TUSC1: variants seen among roughly 807,000 people sequenced by gnomAD.
TUSC1 encodes tumor suppressor candidate gene 1 protein.
A neutral mutation model predicts 5.2 loss-of-function variants in TUSC1; 8 were observed. The ratio of observed to expected loss-of-function variants is 1.54; its 90% confidence interval spans 0.90 to 2.77. The LOEUF (loss-of-function observed/expected upper bound fraction) is 2.77, where lower values mean the gene tolerates loss of function less well. Among genes scored for constraint, TUSC1 ranks in the 30% most tolerant of loss-of-function variants. TUSC1 has a pLI of 0.00. For synonymous variants in TUSC1, 192 were observed against 144.2 expected (o/e 1.33, Z -2.37); for missense variants, 442 against 324.2 (o/e 1.36, Z -2.79).
chr9:25,678,374 G>A lies in TUSC1; in HGVS notation c.-62C>T. The A allele has an allele frequency of 1.5e-6, 2 of 1,332,146 alleles. No individual in the cohort carries two copies. The highest frequency in any genetic ancestry group is 1.9e-6 in the Non-Finnish European group (2 of 1,035,816). 82.5% of individuals were successfully genotyped at this position (1,332,146 alleles called of 1,614,324 possible). On this transcript the variant is annotated 5_prime_UTR_variant, in exon 1 of 1. Transcript: ENST00000358022. ...TGAGGGGCCGCGCGGCCAGGCGCGG[G>A]CAAGTTCGGGGCTGGCAGGGCGGCC...
Position 25,677,315 on chromosome 9 carries a change from C to T in TUSC1, c.*368G>A. ...CCAAAATACAGGAAAAAAAAAAATA[C>T]AACAGGTTCGCACAACATCCAGAAA... On this transcript the variant is annotated 3_prime_UTR_variant, in exon 1 of 1. Transcript: ENST00000358022. 1 of 242,050 alleles carries T rather than the reference C, an allele frequency of 4.1e-6. No homozygotes were observed. The highest frequency in any genetic ancestry group is 7.9e-6 in the Non-Finnish European group (1 of 126,778). The allele number at this position is 242,050 out of a possible 1,614,324, so 15.0% of individuals were successfully genotyped here.
In TUSC1 at chr9:25,678,262, C is replaced by A. The variant is rs545286489; in HGVS notation, c.51G>T (p.Gly17=). ...GATRRGSCCG[G]DGAADGRGPG... The stretch of plus-strand genomic sequence containing the variant: ...GCCCTCGGCCGTCCGCAGCACCGTC[C>A]CCGCCGCAGCAACTCCCGCGCCTAG... The change falls in exon 1 of 1, where the codon GGG becomes GGT. Residue 17 remains glycine (G), a synonymous_variant. Coordinates refer to ENST00000358022, the MANE Select transcript of TUSC1 (RefSeq NM_001004125.3). The A allele has an allele frequency of 8.4e-4, 1,226 of 1,457,828 alleles. 22 individuals are homozygous for A. In the South Asian group the frequency reaches 0.014, roughly 16 times the overall value. 90.3% of individuals were successfully genotyped at this position (1,457,828 alleles called of 1,614,324 possible).
rs1320329568 is a variant in TUSC1 at position 25,677,550 on chromosome 9, G to A, written c.*133C>T. The A allele has an allele frequency of 3.6e-5, 51 of 1,421,588 alleles. No homozygotes were observed. Among genetic ancestry groups the A allele is most frequent in the Non-Finnish European group, 4.5e-5 (49 of 1,088,568 alleles). The allele number at this position is 1,421,588 out of a possible 1,614,324, so 88.1% of individuals were successfully genotyped here. A position where few individuals can be genotyped will look rare whatever the true frequency, so the allele number is the denominator to read the frequency against. The stretch of plus-strand genomic sequence containing the variant: ...CCACCCGGAAGTGTCCACTGGTGGG[G>A]GCGGGAAGGCACCGTAGTCCAAGGT... On this transcript the variant is annotated 3_prime_UTR_variant, in exon 1 of 1. Transcript: ENST00000358022.
At position 25,678,195 on chromosome 9, in the gene TUSC1, CGCTGGGGCT is replaced by C; in HGVS notation, c.109_117del (p.Ser37_Ser39del). On this transcript the variant is annotated inframe_deletion, in exon 1 of 1. Transcript: ENST00000358022. Reference sequence around the variant, plus strand: ...CGCCAGCCCACGCCGCCGCCGCCGCCGCTGGGGCTGCCCCCACCACGAGCCCGGCCGGAG... The same window carrying C: ...CGCCAGCCCACGCCGCCGCCGCCGCCGCCCCCACCACGAGCCCGGCCGGAG... 7.3e-7 allele frequency: 1 copy of C among 1,374,504 alleles called. No homozygotes were observed. The highest frequency in any genetic ancestry group is 9.3e-7 in the Non-Finnish European group (1 of 1,071,576). The allele number at this position is 1,374,504 out of a possible 1,614,324, so 85.1% of individuals were successfully genotyped here. A position where few individuals can be genotyped will look rare whatever the true frequency, so the allele number is the denominator to read the frequency against.
chr9:25,677,541 A>C lies in TUSC1; in HGVS notation c.*142T>G, dbSNP rs1176082048. 2.8e-6 allele frequency: 4 copies of C among 1,408,066 alleles called. No homozygotes were observed. In the Admixed American group the frequency reaches 8.6e-5, roughly 30 times the overall value. 87.2% of individuals were successfully genotyped at this position (1,408,066 alleles called of 1,614,324 possible). A position where few individuals can be genotyped will look rare whatever the true frequency, so the allele number is the denominator to read the frequency against. ...GGCCAAGCGCCACCCGGAAGTGTCC[A>C]CTGGTGGGGGCGGGAAGGCACCGTA... On this transcript the variant is annotated 3_prime_UTR_variant, in exon 1 of 1. Transcript: ENST00000358022.
rs1474285716 is a variant in TUSC1 at position 25,677,420 on chromosome 9, C to G, written c.*263G>C. On this transcript the variant is annotated 3_prime_UTR_variant, in exon 1 of 1. Transcript: ENST00000358022. ...CGTCCCTTCGTTGTTGGCTAGGCCT[C>G]TCTCCAGGGAAACTAGCCGGGGCAA... is the stretch of plus-strand genomic sequence containing the variant. 2.0e-6 allele frequency: 1 copy of G among 512,752 alleles called. No individual in the cohort carries two copies. Among genetic ancestry groups the G allele is most frequent in the African/African-American group, 2.0e-5 (1 of 50,784 alleles). The allele number at this position is 512,752 out of a possible 1,614,324, so 31.8% of individuals were successfully genotyped here.
Position 25,677,425 on chromosome 9 carries a change from C to A in TUSC1, c.*258G>T. On this transcript the variant is annotated 3_prime_UTR_variant, in exon 1 of 1. Transcript: ENST00000358022. The stretch of plus-strand genomic sequence containing the variant: ...CTTCGTTGTTGGCTAGGCCTCTCTC[C>A]AGGGAAACTAGCCGGGGCAAGAGGC... The A allele has an allele frequency of 1.8e-6, 1 of 549,932 alleles. No homozygotes were observed. 34.1% of individuals were successfully genotyped at this position (549,932 alleles called of 1,614,324 possible). A position where few individuals can be genotyped will look rare whatever the true frequency, so the allele number is the denominator to read the frequency against.
chr9:25,677,517 G>C lies in TUSC1; in HGVS notation c.*166C>G. 2 of 1,347,138 alleles carry C rather than the reference G, an allele frequency of 1.5e-6. No individual in the cohort carries two copies. The highest frequency in any genetic ancestry group is 3.1e-5 in the South Asian group (2 of 64,102). The allele number at this position is 1,347,138 out of a possible 1,614,324, so 83.4% of individuals were successfully genotyped here. ...CCACTCGACCTCCACCAAGCGGATG[G>C]CCAAGCGCCACCCGGAAGTGTCCAC... On this transcript the variant is annotated 3_prime_UTR_variant, in exon 1 of 1. Coordinates refer to ENST00000358022, the MANE Select transcript of TUSC1 (RefSeq NM_001004125.3).
rs1360263288 is a variant in TUSC1, at chr9:25,677,020, G to C, written c.*663C>G. The C allele has an allele frequency of 6.6e-6, 1 of 152,114 alleles. No individual in the cohort carries two copies. Among genetic ancestry groups the C allele is most frequent in the African/African-American group, 2.4e-5 (1 of 41,412 alleles). The allele number at this position is 152,114 out of a possible 1,614,324, so 9.4% of individuals were successfully genotyped here. ...ACCATTTCAAAAGATCACGATATAG[G>C]CAGATACCTTAAAAATTCTCTGGGG... is the stretch of plus-strand genomic sequence containing the variant. On this transcript the variant is annotated 3_prime_UTR_variant, in exon 1 of 1. Coordinates refer to ENST00000358022, the MANE Select transcript of TUSC1 (RefSeq NM_001004125.3).
rs774148271 is a variant in TUSC1 at position 25,677,885 on chromosome 9, C to G, written c.428G>C (p.Gly143Ala). 1 of 1,589,652 alleles carries G rather than the reference C, an allele frequency of 6.3e-7. No individual in the cohort carries two copies. The highest frequency in any genetic ancestry group is 8.5e-7 in the Non-Finnish European group (1 of 1,171,600). Residue 143 changes from glycine to alanine, a missense_variant, in exon 1 of 1, where the codon GGC becomes GCC. Gly to Ala is a moderately conservative substitution (Grantham distance 60, BLOSUM62 0). Coordinates refer to ENST00000358022, the MANE Select transcript of TUSC1 (RefSeq NM_001004125.3). ...ASTNRRARDS[G>A]REDEPGSPRA... is the part of the protein sequence containing the mutation. ...GGGGCTGCCCGGCTCGTCCTCTCGGCCGCTGTCTCTAGCCCTCCGGTTCGT... is the reference window on the plus strand; with the variant it reads ...GGGGCTGCCCGGCTCGTCCTCTCGGGCGCTGTCTCTAGCCCTCCGGTTCGT...
At position 25,677,496 on chromosome 9, in the gene TUSC1, T is replaced by G; in HGVS notation, c.*187A>C. 8.5e-7 allele frequency: 1 copy of G among 1,171,608 alleles called. No homozygotes were observed. The allele number at this position is 1,171,608 out of a possible 1,614,324, so 72.6% of individuals were successfully genotyped here. A position where few individuals can be genotyped will look rare whatever the true frequency, so the allele number is the denominator to read the frequency against. ...AGGTCCTGAGGGCCCTTGCACCCAC[T>G]CGACCTCCACCAAGCGGATGGCCAA... is the stretch of plus-strand genomic sequence containing the variant. On this transcript the variant is annotated 3_prime_UTR_variant, in exon 1 of 1. Coordinates refer to ENST00000358022, the MANE Select transcript of TUSC1 (RefSeq NM_001004125.3).
chr9:25,677,621 A>T lies in TUSC1; in HGVS notation c.*62T>A. 1 of 1,443,852 alleles carries T rather than the reference A, an allele frequency of 6.9e-7. No homozygotes were observed. Among genetic ancestry groups the T allele is most frequent in the Non-Finnish European group, 9.1e-7 (1 of 1,104,028 alleles). The allele number at this position is 1,443,852 out of a possible 1,614,324, so 89.4% of individuals were successfully genotyped here. A position where few individuals can be genotyped will look rare whatever the true frequency, so the allele number is the denominator to read the frequency against. On this transcript the variant is annotated 3_prime_UTR_variant, in exon 1 of 1. Transcript: ENST00000358022. ...CCAGGGCGTGCGCGAGGTCGGGGGT[A>T]GCTGGGAACGGAGGAGGAGGGGCCC...
At position 25,677,541 on chromosome 9, in the gene TUSC1, A is replaced by G. The variant is rs1176082048; in HGVS notation, c.*142T>C. On this transcript the variant is annotated 3_prime_UTR_variant, in exon 1 of 1. Coordinates refer to ENST00000358022, the MANE Select transcript of TUSC1 (RefSeq NM_001004125.3). ...GGCCAAGCGCCACCCGGAAGTGTCC[A>G]CTGGTGGGGGCGGGAAGGCACCGTA... The G allele has an allele frequency of 2.8e-6, 4 of 1,408,066 alleles. No individual in the cohort carries two copies. In the African/African-American group the frequency reaches 5.8e-5, roughly 20 times the overall value. 87.2% of individuals were successfully genotyped at this position (1,408,066 alleles called of 1,614,324 possible). A position where few individuals can be genotyped will look rare whatever the true frequency, so the allele number is the denominator to read the frequency against.
At position 25,677,615 on chromosome 9, in the gene TUSC1, G is replaced by C. The variant is rs888230258; in HGVS notation, c.*68C>G. The C allele has an allele frequency of 2.4e-5, 35 of 1,441,574 alleles. No individual in the cohort carries two copies. The African/African-American group carries it at 2.4e-4, about 10-fold the overall frequency. 89.3% of individuals were successfully genotyped at this position (1,441,574 alleles called of 1,614,324 possible). A position where few individuals can be genotyped will look rare whatever the true frequency, so the allele number is the denominator to read the frequency against. ...AGCGGGCCAGGGCGTGCGCGAGGTC[G>C]GGGGTAGCTGGGAACGGAGGAGGAG... On this transcript the variant is annotated 3_prime_UTR_variant, in exon 1 of 1. Coordinates refer to ENST00000358022, the MANE Select transcript of TUSC1 (RefSeq NM_001004125.3).
chr9:25,677,407 G>A lies in TUSC1; in HGVS notation c.*276C>T. 2.2e-6 allele frequency: 1 copy of A among 457,840 alleles called. No homozygotes were observed. 28.4% of individuals were successfully genotyped at this position (457,840 alleles called of 1,614,324 possible). ...CTGTTTTAAAATCCGTCCCTTCGTT[G>A]TTGGCTAGGCCTCTCTCCAGGGAAA... On this transcript the variant is annotated 3_prime_UTR_variant, in exon 1 of 1. Transcript: ENST00000358022.
In TUSC1 at chr9:25,677,796, G is replaced by A. The variant is rs759631870; in HGVS notation, c.517C>T (p.His173Tyr). ...AMYRRALLQLHLEQRGPRPSG... is the reference protein window; with the variant it reads ...AMYRRALLQLYLEQRGPRPSG... ...GGACGTGGTCCCCGCTGCTCGAGGT[G>A]CAGCTGCAGCAGGGCCCGGCGGTAC... Residue 173 changes from histidine (H) to tyrosine (Y), a missense_variant, in exon 1 of 1, where the codon CAC (histidine) becomes TAC (tyrosine). Coordinates refer to ENST00000358022, the MANE Select transcript of TUSC1 (RefSeq NM_001004125.3). 2 of 1,590,206 alleles carry A rather than the reference G, an allele frequency of 1.3e-6. No homozygotes were observed. Among genetic ancestry groups the A allele is most frequent in the Non-Finnish European group, 1.7e-6 (2 of 1,169,410 alleles).
Position 25,678,177 on chromosome 9 carries a change from C to T in TUSC1, c.136G>A (p.Gly46Ser), listed in dbSNP as rs761226017. The T allele has an allele frequency of 2.5e-5, 35 of 1,394,570 alleles. No individual in the cohort carries two copies. The highest frequency in any genetic ancestry group is 2.3e-4 in the Middle Eastern group (1 of 4,380). 86.4% of individuals were successfully genotyped at this position (1,394,570 alleles called of 1,614,324 possible). A position where few individuals can be genotyped will look rare whatever the true frequency, so the allele number is the denominator to read the frequency against. ...GSPSGGGGGVGWRGRADGARQ... is the reference protein window; with the variant it reads ...GSPSGGGGGVSWRGRADGARQ... Reference sequence around the variant, plus strand: ...GCGCCGTCCGCGCGGCCTCGCCAGCCCACGCCGCCGCCGCCGCCGCTGGGG... The same window carrying T: ...GCGCCGTCCGCGCGGCCTCGCCAGCTCACGCCGCCGCCGCCGCCGCTGGGG... Residue 46 changes from glycine to serine, a missense_variant, in exon 1 of 1, where the codon GGC (glycine) becomes AGC (serine). Physicochemically the swap from Gly to Ser is moderately conservative, Grantham distance 56. Transcript: ENST00000358022.
At position 25,678,342 on chromosome 9, in the gene TUSC1, C is replaced by A. The variant is rs773896429; in HGVS notation, c.-30G>T. ...CCCATCCCAACCGCGCCGCCAGCCC[C>A]GTGGGCTGAGGGGCCGCGCGGCCAG... is the stretch of plus-strand genomic sequence containing the variant. On this transcript the variant is annotated 5_prime_UTR_variant, in exon 1 of 1. Transcript: ENST00000358022. The A allele has an allele frequency of 5.6e-5, 77 of 1,385,406 alleles. No homozygotes were observed. The highest frequency in any genetic ancestry group is 6.5e-5 in the Non-Finnish European group (70 of 1,069,472). The allele number at this position is 1,385,406 out of a possible 1,614,324, so 85.8% of individuals were successfully genotyped here.
At position 25,678,427 on chromosome 9, in the gene TUSC1, T is replaced by A. The variant is rs1422446869; in HGVS notation, c.-115A>T. The A allele has an allele frequency of 4.8e-6, 5 of 1,047,494 alleles. No homozygotes were observed. The highest frequency in any genetic ancestry group is 4.9e-6 in the Non-Finnish European group (4 of 813,844). The allele number at this position is 1,047,494 out of a possible 1,614,324, so 64.9% of individuals were successfully genotyped here. A position where few individuals can be genotyped will look rare whatever the true frequency, so the allele number is the denominator to read the frequency against. On this transcript the variant is annotated 5_prime_UTR_variant, in exon 1 of 1. Coordinates refer to ENST00000358022, the MANE Select transcript of TUSC1 (RefSeq NM_001004125.3). ...GGTGACGACGGAGGAGGAGAGGAGG[T>A]CGCGGGCGGCGGCTGCTGGCTTAGA...
Sources: gnomAD v4.1 joint callset for allele counts on GRCh38, gnomAD v4.1.1 for gene constraint, MANE v1.5 for transcripts, NCBI Gene and HGNC (gene_info 2026-07-23, HGNC 2026-07-21) for gene names.